NRG3: variants seen among roughly 807,000 people sequenced by gnomAD.
NRG3 encodes neuregulin 3.
Under a neutral mutation model 66.9 loss-of-function variants are expected in NRG3, and 31 were observed. The ratio of observed to expected loss-of-function variants is 0.46; its 90% CI spans 0.35 to 0.63. The LOEUF (loss-of-function observed/expected upper bound fraction) is 0.63. NRG3 is among the 20% of genes least tolerant of loss of function. The pLI is 0.00. For synonymous variants in NRG3, 393 were observed against 359.4 expected (o/e 1.09, Z -1.06); for missense variants, 910 against 878.9 (o/e 1.04, Z -0.45).
At chr10:82,202,540 T>G (rs779953989) in intron 1 of NRG3, among the ~76,000 whole-genome samples, 38 of 152,092 alleles carry the variant, frequency 2.5e-4, no homozygotes, top group Non-Finnish European at 4.9e-4. Flanking sequence ...CTGAGTAAAC[T>G]TACATTATTT....
intron 2 of NRG3, among the ~76,000 whole-genome samples, chr10:82,710,365 C>A (rs2056582346): frequency 6.6e-6 from 1 of 152,056 alleles, no homozygotes. Flanking sequence ...GCAGGTGAAT[C>A]CTCTCAGGTC....
chr10:81,987,127 G>C (rs1256039457), intron 1 of NRG3, among the ~76,000 whole-genome samples: 1 of 151,476 alleles, frequency 6.6e-6, no homozygotes, highest in East Asian at 1.9e-4. Context: ...AGCTCTTGTT[G>C]CCTAGGCTGG....
intron 3 of NRG3, among the ~76,000 whole-genome samples, chr10:82,739,404 T>C (rs2058310491): frequency 6.6e-6 from 1 of 152,222 alleles, no homozygotes; most frequent in Admixed American, 6.5e-5. Context: ...AGCGATTTAG[T>C]TTAGTGAGGA....
chr10:82,306,703 TAAAAAAAAAA>T (rs71009805), intron 1 of NRG3, among the ~76,000 whole-genome samples: 4 of 35,904 alleles, frequency 1.1e-4, no homozygotes. Flanking sequence ...GACTCCGTCT[TAAAAAAAAAA>T]AAAAAAAAAA....
chr10:82,202,739 T>G (rs901563072), intron 1 of NRG3, among the ~76,000 whole-genome samples: 5 of 152,104 alleles, frequency 3.3e-5, no homozygotes, highest in African/African-American at 9.7e-5. Flanking sequence ...TGTTGAGGTT[T>G]TTTTTGTGTG....
intron 2 of NRG3, among the ~76,000 whole-genome samples, chr10:82,474,504 TTGAAGAAAC>T (rs1185925477): frequency 9.2e-5 from 14 of 151,972 alleles, no homozygotes; most frequent in African/African-American, 2.4e-5. Context: ...AACAGCAGAT[TTGAAGAAAC>T]AGAAGAACTA....
At chr10:82,967,444 T>C (rs1486224636) in intron 6 of NRG3, among the ~76,000 whole-genome samples, 1 of 152,160 alleles carries the variant, frequency 6.6e-6, no homozygotes, top group Non-Finnish European at 1.5e-5. Context: ...ATTATTCATT[T>C]ACTTATTTTT....
At chr10:82,524,612 A>G (rs1004398045) in intron 2 of NRG3, among the ~76,000 whole-genome samples, 2 of 151,934 alleles carry the variant, frequency 1.3e-5, no homozygotes, top group African/African-American at 4.8e-5. Context: ...TAGGTTACAT[A>G]TATATTCACT....
chr10:82,570,907 C>CAT (rs747301142), intron 2 of NRG3, among the ~76,000 whole-genome samples: 14 of 151,620 alleles, frequency 9.2e-5, no homozygotes, highest in Non-Finnish European at 1.9e-4. Context: ...ACACATTCCT[C>CAT]ATATATATCT....
chr10:82,088,365 G>C (rs987961335), intron 1 of NRG3, among the ~76,000 whole-genome samples: 2 of 151,994 alleles, frequency 1.3e-5, no homozygotes, highest in African/African-American at 4.8e-5. Context: ...GAGTACAATT[G>C]TAGTTTATTC....
chr10:82,714,352 C>A (rs140977619), intron 2 of NRG3, among the ~76,000 whole-genome samples: 440 of 152,234 alleles, frequency 2.9e-3, no homozygotes, highest in African/African-American at 8.9e-3. Context: ...ACTTTCCTTT[C>A]CACAGTAAGA....
chr10:82,460,406 A>G (rs1386094309), intron 2 of NRG3, among the ~76,000 whole-genome samples: 1 of 152,228 alleles, frequency 6.6e-6, no homozygotes, highest in African/African-American at 2.4e-5. Context: ...CAAAGCATGT[A>G]GCACAGTGTC....
chr10:82,917,566 G>T (rs773932593), intron 4 of NRG3, among the ~76,000 whole-genome samples: 12 of 152,028 alleles, frequency 7.9e-5, no homozygotes, highest in Admixed American at 7.2e-4. Context: ...TTTTTCTGGT[G>T]CCTGTCCTTT....
chr10:82,981,870 C>G (rs1852941855), intron 8 of NRG3, among the ~76,000 whole-genome samples: 1 of 152,142 alleles, frequency 6.6e-6, no homozygotes, highest in South Asian at 2.1e-4. Flanking sequence ...TAGATTCACA[C>G]CTTAAAAGCA....
chr10:82,087,872 A>G (rs909754414), intron 1 of NRG3, among the ~76,000 whole-genome samples: 3 of 152,138 alleles, frequency 2.0e-5, no homozygotes, highest in African/African-American at 7.2e-5. Flanking sequence ...TTCCCTGGCC[A>G]TGTTGATTGG....
At chr10:82,160,814 A>G (rs1473291931) in intron 1 of NRG3, among the ~76,000 whole-genome samples, 1 of 152,054 alleles carries the variant, frequency 6.6e-6, no homozygotes, top group Non-Finnish European at 1.5e-5. Flanking sequence ...TCAGCATGTG[A>G]TCTAAGTACT....
At chr10:82,835,978 A>G (rs1282391341) in intron 3 of NRG3, among the ~76,000 whole-genome samples, 1 of 152,110 alleles carries the variant, frequency 6.6e-6, no homozygotes, top group Non-Finnish European at 1.5e-5. Flanking sequence ...GCAAACTACC[A>G]CCTTCAGGCC....
At chr10:81,928,217 T>C (rs191746748) in intron 1 of NRG3, among the ~76,000 whole-genome samples, 1 of 152,350 alleles carries the variant, frequency 6.6e-6, no homozygotes, top group East Asian at 1.9e-4. Flanking sequence ...AGTTTAATGA[T>C]GTACATTCTA....
intron 1 of NRG3, among the ~76,000 whole-genome samples, chr10:82,279,426 C>T (rs1564742628): frequency 6.6e-6 from 1 of 152,090 alleles, no homozygotes; most frequent in Non-Finnish European, 1.5e-5. Context: ...TTCCAAAATC[C>T]ACATAGACAA....
Sources: gnomAD v4.1 joint callset for allele counts (sites outside exome capture counted in the v4.1 genomes callset) on GRCh38, gnomAD v4.1.1 for gene constraint, MANE v1.5 for transcripts, NCBI Gene and HGNC (gene_info 2026-07-23, HGNC 2026-07-21) for gene names.